Variants in CENPE observed in about 807,000 individuals in gnomAD.
The protein encoded by CENPE is centromere-associated protein E.
CENPE carries 145 observed loss-of-function variants against 336.1 expected under a neutral mutation model. That is an observed-to-expected ratio of 0.43 (90% CI 0.38 to 0.50). The LOEUF (loss-of-function observed/expected upper bound fraction) is 0.50, where lower values mean the gene tolerates loss of function less well. Among genes scored for constraint, CENPE ranks in the 20% least tolerant of loss-of-function variants. The pLI is 0.00. For missense variants in CENPE, 2,719 were observed against 3,023.3 expected, an observed-to-expected ratio of 0.90 and a Z score of 2.36; for synonymous variants, 1,013 against 984.8, an observed-to-expected ratio of 1.03 and a Z score of -0.54.
At chr4:103,175,935 T>C (rs373972076) in intron 15 of CENPE, 25 bp downstream of exon 15, 1 of 1,347,516 alleles carries the variant, frequency 7.4e-7, no homozygotes, top group East Asian at 2.3e-5. Flanking sequence ...AAAAGCATTA[T>C]ATGCTGTAAA....
rs748234818 is a variant in CENPE, at chr4:103,160,784, A to G, written c.2132-5T>C. ...ATTCCAAATTACAGAGCAAATCTAG[A>G]AAGTTTTGGTAAATTGTATAAAGAT... On this transcript the variant is annotated splice_polypyrimidine_tract_variant and splice_region_variant and intron_variant, in intron 20 of 48. Transcript: ENST00000265148. 6 of 1,579,474 alleles carry G rather than the reference A, an allele frequency of 3.8e-6. No individual in the cohort carries two copies. The highest frequency in any genetic ancestry group is 5.1e-6 in the Non-Finnish European group (6 of 1,165,268).
intron 38 of CENPE, 93 bp downstream of exon 38, chr4:103,139,696 T>A: frequency 8.3e-7 from 1 of 1,209,574 alleles, no homozygotes; most frequent in Non-Finnish European, 1.1e-6. Flanking sequence ...TTCATAGGAA[T>A]TTCCAGAGAA....
chr4:103,158,286 T>C lies in CENPE; in HGVS notation c.3033+14A>G, dbSNP rs769784414. 1 of 1,582,960 alleles carries C rather than the reference T, an allele frequency of 6.3e-7. No individual in the cohort carries two copies. Among genetic ancestry groups the C allele is most frequent in the Non-Finnish European group, 8.6e-7 (1 of 1,167,142 alleles). Reference sequence around the variant, plus strand: ...TACAAGCATATGAAAACTCTGAAAATAAACACCCTTTACCTTTTGCTGAAA... The same window carrying C: ...TACAAGCATATGAAAACTCTGAAAACAAACACCCTTTACCTTTTGCTGAAA... On this transcript the variant is annotated intron_variant, in intron 24 of 48. Transcript: ENST00000265148.
chr4:103,113,405 G>T (rs1749755213), intron 46 of CENPE, among the ~76,000 whole-genome samples: 1 of 139,000 alleles, frequency 7.2e-6, no homozygotes. Flanking sequence ...AATTATATAA[G>T]TATTTACTAT....
intron 10 of CENPE, 104 bp from the exon 11 acceptor site, chr4:103,182,995 A>G: frequency 8.2e-7 from 1 of 1,222,666 alleles, no homozygotes; most frequent in Non-Finnish European, 1.1e-6. Flanking sequence ...AGTTTCAAAA[A>G]TTAGTTTACA....
intron 42 of CENPE, 132 bp downstream of exon 42, chr4:103,132,561 G>A (rs557473712): frequency 2.7e-4 from 124 of 456,816 alleles, no homozygotes; most frequent in African/African-American, 1.8e-3. Context: ...GGAAGAACAC[G>A]TTTTATCAAA....
At chr4:103,158,130 T>C (rs1754112996) in intron 24 of CENPE, among the ~76,000 whole-genome samples, 170 bp downstream of exon 24, 1 of 151,912 alleles carries the variant, frequency 6.6e-6, no homozygotes, top group South Asian at 2.1e-4. Flanking sequence ...ATTATAAACA[T>C]ATTCTATCAT....
rs1422420982 is a variant in CENPE, at chr4:103,139,930, G to C, written c.6063C>G (p.Phe2021Leu). Residue 2021 changes from phenylalanine to leucine, a missense_variant, in exon 38 of 49, where the codon TTC becomes TTG. Physicochemically the swap from Phe to Leu is conservative, Grantham distance 22 (BLOSUM62 0). Transcript: ENST00000265148. ...LSMQSVRMDN[F>L]QLTKKLHESL... ...TTTCATGAAGTTTCTTAGTCAACTGGAAGTTATCCATTCTCACACTTTGCA... is the reference window on the plus strand; with the variant it reads ...TTTCATGAAGTTTCTTAGTCAACTGCAAGTTATCCATTCTCACACTTTGCA... 6.2e-7 allele frequency: 1 copy of C among 1,613,290 alleles called. No homozygotes were observed. Among genetic ancestry groups the C allele is most frequent in the African/African-American group, 1.3e-5 (1 of 74,996 alleles).
chr4:103,133,570 G>T, intron 41 of CENPE, 125 bp downstream of exon 41: 1 of 687,078 alleles, frequency 1.5e-6, no homozygotes, highest in Non-Finnish European at 2.5e-6. Context: ...GTCTGGCCAG[G>T]TATCACTCTG....
At chr4:103,177,876 T>C (rs551500593) in intron 13 of CENPE, among the ~76,000 whole-genome samples, 120 of 152,112 alleles carry the variant, frequency 7.9e-4, no homozygotes, top group African/African-American at 2.7e-3. Context: ...TAATGCCAGT[T>C]GCTACCAAAG....
intron 8 of CENPE, 56 bp downstream of exon 8, chr4:103,194,173 A>G: frequency 7.5e-7 from 1 of 1,327,356 alleles, no homozygotes; most frequent in Non-Finnish European, 1.1e-6. Flanking sequence ...TCCAGCAACT[A>G]AATTAAATTT....
At chr4:103,127,118 A>G (rs1217229194) in intron 42 of CENPE, among the ~76,000 whole-genome samples, 1 of 151,150 alleles carries the variant, frequency 6.6e-6, no homozygotes, top group Non-Finnish European at 1.5e-5. Context: ...AAAAACCAAA[A>G]AAACCCCCGA....
chr4:103,153,365 C>CTA, intron 24 of CENPE, 115 bp from the exon 25 acceptor site: 1 of 656,222 alleles, frequency 1.5e-6, no homozygotes, highest in Non-Finnish European at 2.6e-6. Context: ...CATATCTTAA[C>CTA]ACATTTAATC....
intron 42 of CENPE, among the ~76,000 whole-genome samples, chr4:103,130,035 AC>A (rs1175989102): frequency 2.0e-5 from 3 of 152,236 alleles, no homozygotes; most frequent in African/African-American, 7.2e-5. Context: ...AAGAATGTCT[AC>A]AAAAAACTAC....
At chr4:103,127,042 C>T (rs914327979) in intron 42 of CENPE, among the ~76,000 whole-genome samples, 9 of 145,824 alleles carry the variant, frequency 6.2e-5, no homozygotes, top group South Asian at 2.2e-4. Context: ...CACAGATTAA[C>T]AACGTACACC....
rs765762436 is a variant in CENPE at position 103,194,212 on chromosome 4, G to C, written c.693+17C>G. ...TTTGGCCCATACAGTACATTATTAT[G>C]GTTCATTAATACTCACCAAATGGGA... On this transcript the variant is annotated intron_variant, in intron 8 of 48. Transcript: ENST00000265148. The C allele has an allele frequency of 1.3e-6, 2 of 1,598,340 alleles. No individual in the cohort carries two copies. The highest frequency in any genetic ancestry group is 1.7e-6 in the Non-Finnish European group (2 of 1,167,292).
intron 28 of CENPE, among the ~76,000 whole-genome samples, chr4:103,148,158 A>C (rs1217180162): frequency 6.6e-6 from 1 of 152,182 alleles, no homozygotes. Flanking sequence ...ACATTCTGTC[A>C]TACTTTTCTT....
chr4:103,163,580 G>C (rs542571902), intron 16 of CENPE, 27 bp from the exon 17 acceptor site: 9 of 850,680 alleles, frequency 1.1e-5, no homozygotes, highest in Non-Finnish European at 1.3e-5. Flanking sequence ...ACAGGTAACA[G>C]AGCAAACCAA....
At chr4:103,149,611 G>A (rs561005681) in intron 26 of CENPE, among the ~76,000 whole-genome samples, 1 of 152,264 alleles carries the variant, frequency 6.6e-6, no homozygotes, top group African/African-American at 2.4e-5. Flanking sequence ...CTCAGAATGT[G>A]AACTTATTTG....
Sources: gnomAD v4.1 joint callset for allele counts (sites outside exome capture counted in the v4.1 genomes callset) on GRCh38, gnomAD v4.1.1 for gene constraint, MANE v1.5 for transcripts, NCBI Gene and HGNC (gene_info 2026-07-23, HGNC 2026-07-21) for gene names.